Variants in ARHGEF4 observed in about 807,000 individuals in gnomAD.
The protein encoded by ARHGEF4 is Rho guanine nucleotide exchange factor 4.
Under a neutral mutation model 162.0 loss-of-function variants are expected in ARHGEF4, and 119 were observed. That is an observed-to-expected ratio of 0.73 (90% CI 0.63 to 0.86). ARHGEF4 has a LOEUF of 0.86. Among genes scored for constraint, ARHGEF4 ranks in the 40% least tolerant of loss-of-function variants. The pLI is 0.00. For synonymous variants in ARHGEF4, 1,014 were observed against 979.9 expected, an observed-to-expected ratio of 1.03 and a Z score of -0.65; for missense variants, 2,488 against 2,456.0, an observed-to-expected ratio of 1.01 and a Z score of -0.28.
intron 1 of ARHGEF4, among the ~76,000 whole-genome samples, chr2:130,894,619 A>G (rs1312707841): frequency 6.6e-6 from 1 of 152,168 alleles, no homozygotes; most frequent in East Asian, 1.9e-4. Context: ...TGCTTGCATA[A>G]CAAAACATCT....
At chr2:131,040,952 G>A (rs1009950073) in intron 8 of ARHGEF4, among the ~76,000 whole-genome samples, 1 of 152,020 alleles carries the variant, frequency 6.6e-6, no homozygotes, top group African/African-American at 2.4e-5. Context: ...TACCACCGCC[G>A]CTTTTGGCAT....
In ARHGEF4 at chr2:131,041,954, TG is replaced by T. The variant is rs1558898645; in HGVS notation, c.5025+15del. 2 of 1,609,304 alleles carry T rather than the reference TG, an allele frequency of 1.2e-6. No homozygotes were observed. The highest frequency in any genetic ancestry group is 1.7e-6 in the Non-Finnish European group (2 of 1,177,606). On this transcript the variant is annotated intron_variant, in intron 10 of 13. Transcript: ENST00000409359. ...CATAGAGGACTGGGAGGTGAGGGCCTGGGGGCACAGAAAATTCCAGGAGGTC... is the reference window on the plus strand; with the variant it reads ...CATAGAGGACTGGGAGGTGAGGGCCTGGGGCACAGAAAATTCCAGGAGGTC...
At chr2:130,893,673 G>T (rs1679989725) in intron 1 of ARHGEF4, among the ~76,000 whole-genome samples, 1 of 152,132 alleles carries the variant, frequency 6.6e-6, no homozygotes, top group Non-Finnish European at 1.5e-5. Context: ...TTGCCTTCAG[G>T]ACAGTCCACA....
intron 1 of ARHGEF4, among the ~76,000 whole-genome samples, chr2:130,856,596 C>T (rs917851355): frequency 2.0e-5 from 3 of 152,128 alleles, no homozygotes; most frequent in African/African-American, 7.2e-5. Context: ...AGAGATAGAG[C>T]AATTGCATAT....
At position 130,998,263 on chromosome 2, in the gene ARHGEF4, G is replaced by C. The variant is rs140631958; in HGVS notation, c.3986-29682G>C. On this transcript the variant is annotated intron_variant, in intron 4 of 13. Transcript: ENST00000409359. ...TTTTTCAAGCAGTTTTAGGTTTATA[G>C]AAAAATGAAGCAGAGAGTACAGAGT... 6.7e-3 allele frequency among the ~76,000 whole-genome samples: 1,014 copies of C among 152,240 alleles called. 10 individuals carry two copies. Among genetic ancestry groups the C allele is most frequent in the African/African-American group, 0.022 (921 of 41,536 alleles).
intron 1 of ARHGEF4, among the ~76,000 whole-genome samples, chr2:130,882,713 A>G (rs1679275006): frequency 6.6e-6 from 1 of 152,098 alleles, no homozygotes; most frequent in African/African-American, 2.4e-5. Flanking sequence ...ACACAGACGC[A>G]GGGGACTTCA....
chr2:130,866,054 A>G lies in ARHGEF4; in HGVS notation c.39+29062A>G, dbSNP rs569578850. ...CTAAGTTAGGTCCAGGGACCTGAAG[A>G]GGAAAACTTTAGGGTCGAATAAAAA... On this transcript the variant is annotated intron_variant, in intron 1 of 13. Coordinates refer to ENST00000409359, the MANE Select transcript of ARHGEF4 (RefSeq NM_001367493.1). Among the ~76,000 whole-genome samples, 4 of 151,968 alleles carry G rather than the reference A, an allele frequency of 2.6e-5. No individual in the cohort carries two copies. In the South Asian group the frequency reaches 8.3e-4, roughly 32 times the overall value.
intron 1 of ARHGEF4, among the ~76,000 whole-genome samples, chr2:130,852,949 GCAGA>G (rs1185947300): frequency 1.3e-5 from 2 of 152,216 alleles, no homozygotes; most frequent in Non-Finnish European, 2.9e-5. Flanking sequence ...GAGGCTCAGA[GCAGA>G]CTGATCGCCC....
intron 4 of ARHGEF4, among the ~76,000 whole-genome samples, chr2:130,986,432 G>A (rs1055950684): frequency 6.6e-6 from 1 of 152,208 alleles, no homozygotes; most frequent in African/African-American, 2.4e-5. Flanking sequence ...CCTCCTTGTG[G>A]AGCTGCTAGT....
chr2:130,843,172 C>T (rs1475862029), intron 1 of ARHGEF4, among the ~76,000 whole-genome samples: 2 of 152,172 alleles, frequency 1.3e-5, no homozygotes, highest in East Asian at 1.9e-4. Flanking sequence ...CTGTTCAGCA[C>T]GGGGCAGCCA....
Position 131,039,558 on chromosome 2 carries a change from G to C in ARHGEF4, c.4306-458G>C, listed in dbSNP as rs567025030. The C allele has an allele frequency of 9.6e-6, 10 of 1,038,092 alleles. No individual in the cohort carries two copies. In the African/African-American group the frequency reaches 1.7e-4, roughly 18 times the overall value. 64.3% of individuals were successfully genotyped at this position (1,038,092 alleles called of 1,614,324 possible). A position where few individuals can be genotyped will look rare whatever the true frequency, so the allele number is the denominator to read the frequency against. ...GTCCAAGCTGAGGGCCGTCCGGCGG[G>C]GAGGTCCCAGGCCCTGGTGTTCAGA... On this transcript the variant is annotated intron_variant, in intron 6 of 13. Transcript: ENST00000409359.
chr2:130,998,644 A>C (rs1687558567), intron 4 of ARHGEF4, among the ~76,000 whole-genome samples: 1 of 152,166 alleles, frequency 6.6e-6, no homozygotes, highest in Non-Finnish European at 1.5e-5. Context: ...TCATAGCTCC[A>C]TAGCTCCTTT....
chr2:130,943,974 A>G (rs1159445504), intron 3 of ARHGEF4, among the ~76,000 whole-genome samples: 1 of 152,230 alleles, frequency 6.6e-6, no homozygotes, highest in Non-Finnish European at 1.5e-5. Context: ...GCTTTAGAAT[A>G]GGTATACTGG....
intron 10 of ARHGEF4, among the ~76,000 whole-genome samples, chr2:131,042,404 CT>C (rs1333382323): frequency 2.0e-5 from 3 of 152,220 alleles, no homozygotes; most frequent in Non-Finnish European, 2.9e-5. Flanking sequence ...CCCTTTGCAT[CT>C]GCCAATCTTG....
intron 1 of ARHGEF4, among the ~76,000 whole-genome samples, chr2:130,883,098 GA>G (rs1431901810): frequency 1.3e-5 from 2 of 152,064 alleles, no homozygotes; most frequent in African/African-American, 4.8e-5. Context: ...ATACCATTGA[GA>G]AATTGAGGGT....
At position 130,973,019 on chromosome 2, in the gene ARHGEF4, T is replaced by C. The variant is rs182466604; in HGVS notation, c.3985+26384T>C. Among the ~76,000 whole-genome samples the C allele has an allele frequency of 2.3e-3, 358 of 152,356 alleles. 2 individuals carry two copies. Among genetic ancestry groups the C allele is most frequent in the African/African-American group, 8.0e-3 (332 of 41,578 alleles). ...AAATACTAAGCATACAGTTGGAATA[T>C]ACAAAGATTATACCAAGAATATCTA... On this transcript the variant is annotated intron_variant, in intron 4 of 13. Coordinates refer to ENST00000409359, the MANE Select transcript of ARHGEF4 (RefSeq NM_001367493.1).
intron 1 of ARHGEF4, chr2:130,837,518 C>T (rs1680278645): frequency 2.4e-6 from 1 of 409,958 alleles, no homozygotes. Context: ...GGGGTCGGGG[C>T]TGTTGGGCTC....
rs58656982 is a variant in ARHGEF4, at chr2:130,988,872, GTATATATATATA to G, written c.3986-39054_3986-39043del. On this transcript the variant is annotated intron_variant, in intron 4 of 13. Coordinates refer to ENST00000409359, the MANE Select transcript of ARHGEF4 (RefSeq NM_001367493.1). Reference sequence around the variant, plus strand: ...TTTGTGTGTGTGTGTGTGTGTGTGTGTATATATATATATATATATATATATATATAGAGAGAG... The same window carrying G: ...TTTGTGTGTGTGTGTGTGTGTGTGTGTATATATATATATATATAGAGAGAG... Among the ~76,000 whole-genome samples, 964 of 108,476 alleles carry G rather than the reference GTATATATATATA, an allele frequency of 8.9e-3. 7 individuals are homozygous for G. The highest frequency in any genetic ancestry group is 0.016 in the African/African-American group (439 of 27,260). The allele number at this position is 108,476 out of a possible 152,430, so 71.2% of individuals were successfully genotyped here.
intron 1 of ARHGEF4, among the ~76,000 whole-genome samples, chr2:130,849,563 G>A (rs1408318979): frequency 6.6e-6 from 1 of 151,618 alleles, no homozygotes; most frequent in Non-Finnish European, 1.5e-5. Flanking sequence ...CCATGATCTA[G>A]GATACTTTTT....
Sources: gnomAD v4.1 joint callset for allele counts (sites outside exome capture counted in the v4.1 genomes callset) on GRCh38, gnomAD v4.1.1 for gene constraint, MANE v1.5 for transcripts, NCBI Gene and HGNC (gene_info 2026-07-23, HGNC 2026-07-21) for gene names.